SDK1: variants seen among roughly 807,000 people sequenced by gnomAD.
SDK1 encodes sidekick cell adhesion molecule 1.
In SDK1, 157 loss-of-function variants were observed where a neutral mutation model predicts 245.5. That is an observed-to-expected ratio of 0.64 (90% confidence interval 0.56 to 0.73). The LOEUF (loss-of-function observed/expected upper bound fraction) is 0.73. Among genes scored for constraint, SDK1 ranks in the 30% least tolerant of loss-of-function variants. The probability of loss-of-function intolerance (pLI) is 0.00; values close to 1 mark genes in which losing one functional copy is unlikely to be tolerated. For synonymous variants in SDK1, 1,647 were observed against 1,278.5 expected (o/e 1.29, Z -6.15); for missense variants, 3,583 against 3,002.3 (o/e 1.19, Z -4.52).
chr7:4,011,096 C>A lies in SDK1; in HGVS notation c.2262C>A (p.Tyr754Ter). 6.2e-7 allele frequency: 1 copy of A among 1,613,958 alleles called. No homozygotes were observed. Residue 754 changes from tyrosine (Y) to a stop codon, truncating the protein, a stop_gained, in exon 15 of 45, where the codon TAC becomes TAA. Coordinates refer to ENST00000404826, the MANE Select transcript of SDK1 (RefSeq NM_152744.4). LOFTEE classifies it high-confidence loss of function. The stretch of plus-strand genomic sequence containing the variant: ...TGAATGAAGTGGGCAGGGGCCAGTA[C>A]AGCGCCGAGACAAGCAGGTGCGTGA... ...CAVNEVGRGQ[Y>*]SAETSRLMLP...
intron 17 of SDK1, among the ~76,000 whole-genome samples, chr7:4,037,390 G>T (rs141233496): frequency 5.3e-4 from 80 of 152,198 alleles, no homozygotes; most frequent in African/African-American, 1.9e-3. Flanking sequence ...AGGATGAGGT[G>T]GGGGGATCAG....
At chr7:4,073,352 C>T (rs534743460) in intron 20 of SDK1, among the ~76,000 whole-genome samples, 420 of 152,214 alleles carry the variant, frequency 2.8e-3, no homozygotes, top group Non-Finnish European at 5.3e-3. Flanking sequence ...TTTCTGCTGG[C>T]GTTTCTCTGC....
At chr7:3,803,821 G>T (rs188868071) in intron 4 of SDK1, among the ~76,000 whole-genome samples, 70 of 147,412 alleles carry the variant, frequency 4.7e-4, no homozygotes, top group African/African-American at 1.7e-3. Context: ...CTGGAATGCA[G>T]TGGCATGATC....
At chr7:4,147,724 G>T (rs1780072259) in intron 29 of SDK1, among the ~76,000 whole-genome samples, 2 of 152,312 alleles carry the variant, frequency 1.3e-5, no homozygotes, top group African/African-American at 4.8e-5. Flanking sequence ...TGTGAAAGGA[G>T]CGCCCCTATC....
At chr7:3,751,788 G>T (rs1297143405) in intron 4 of SDK1, among the ~76,000 whole-genome samples, 5 of 152,146 alleles carry the variant, frequency 3.3e-5, no homozygotes, top group Non-Finnish European at 7.4e-5. Context: ...ACACCCTTGG[G>T]CTCCAGATAG....
chr7:3,323,849 C>T (rs1286562225), intron 1 of SDK1, among the ~76,000 whole-genome samples: 2 of 152,152 alleles, frequency 1.3e-5, no homozygotes, highest in Non-Finnish European at 2.9e-5. Flanking sequence ...CTGCCTAGCA[C>T]AGTGTTTATA....
At chr7:3,918,036 TG>T (rs1779445823) in intron 5 of SDK1, among the ~76,000 whole-genome samples, 1 of 152,226 alleles carries the variant, frequency 6.6e-6, no homozygotes, top group Non-Finnish European at 1.5e-5. Flanking sequence ...TTCACAGTTT[TG>T]TTGGAGTCCC....
chr7:4,262,558 A>T (rs1308860939), intron 44 of SDK1, among the ~76,000 whole-genome samples: 2 of 151,424 alleles, frequency 1.3e-5, no homozygotes, highest in African/African-American at 4.9e-5. Flanking sequence ...GCCATTCAGT[A>T]CCTGGCCGGG....
chr7:3,501,124 G>C (rs1480818783), intron 1 of SDK1, among the ~76,000 whole-genome samples: 1 of 152,156 alleles, frequency 6.6e-6, no homozygotes, highest in African/African-American at 2.4e-5. Flanking sequence ...AACATTGAAA[G>C]TCTTGAGCAT....
intron 4 of SDK1, among the ~76,000 whole-genome samples, chr7:3,655,556 C>G (rs532396015): frequency 2.2e-5 from 3 of 135,790 alleles, no homozygotes; most frequent in Non-Finnish European, 4.6e-5. Context: ...CTATGGCTGT[C>G]TTATATATCT....
chr7:3,768,389 A>T (rs1479587454), intron 4 of SDK1, among the ~76,000 whole-genome samples: 1 of 152,238 alleles, frequency 6.6e-6, no homozygotes, highest in Non-Finnish European at 1.5e-5. Context: ...GAAATGTTGC[A>T]TTATCATCTT....
intron 4 of SDK1, among the ~76,000 whole-genome samples, chr7:3,644,104 T>C (rs1030882723): frequency 1.3e-5 from 2 of 150,872 alleles, no homozygotes; most frequent in Non-Finnish European, 2.9e-5. Context: ...GGTTTTACCA[T>C]GTGTCCAGGC....
chr7:3,582,049 CCTCAGGTAGGCCTGT>C (rs542713008), intron 1 of SDK1, among the ~76,000 whole-genome samples: 50,060 of 142,212 alleles, frequency 0.35, 9,329 homozygotes, highest in South Asian at 0.52. Context: ...GGTAGGTCTC[CCTCAGGTAGGCCTGT>C]CTCAGGTAGG....
At chr7:3,774,936 G>A (rs1175117830) in intron 4 of SDK1, among the ~76,000 whole-genome samples, 1 of 152,154 alleles carries the variant, frequency 6.6e-6, no homozygotes, top group Non-Finnish European at 1.5e-5. Context: ...TTGCTTCTAT[G>A]GTGGGTCCTC....
chr7:3,538,937 TG>T (rs1778974019), intron 1 of SDK1, among the ~76,000 whole-genome samples: 1 of 152,252 alleles, frequency 6.6e-6, no homozygotes, highest in East Asian at 1.9e-4. Context: ...GAAAGTTTTT[TG>T]CTGGATTCCT....
intron 30 of SDK1, among the ~76,000 whole-genome samples, chr7:4,149,748 G>A (rs544752218): frequency 6.6e-6 from 1 of 152,124 alleles, no homozygotes; most frequent in East Asian, 1.9e-4. Flanking sequence ...CAGGGGTGAT[G>A]GGGGGCAGGC....
intron 28 of SDK1, among the ~76,000 whole-genome samples, chr7:4,139,433 A>G (rs144214546): frequency 2.7e-5 from 3 of 110,878 alleles, no homozygotes; most frequent in East Asian, 4.1e-4. Flanking sequence ...GTGTATGTAT[A>G]TATGTGTGTG....
intron 35 of SDK1, among the ~76,000 whole-genome samples, chr7:4,191,553 C>A (rs1452872002): frequency 6.6e-6 from 1 of 152,262 alleles, no homozygotes; most frequent in African/African-American, 2.4e-5. Flanking sequence ...CCCACTTGCT[C>A]AGCAACTTGC....
chr7:3,517,763 A>G (rs1245273664), intron 1 of SDK1, among the ~76,000 whole-genome samples: 1 of 152,108 alleles, frequency 6.6e-6, no homozygotes, highest in Non-Finnish European at 1.5e-5. Context: ...TCCTTTTTCC[A>G]GCACAGGTAA....
Sources: gnomAD v4.1 joint callset for allele counts (sites outside exome capture counted in the v4.1 genomes callset) on GRCh38, gnomAD v4.1.1 for gene constraint, MANE v1.5 for transcripts, NCBI Gene and HGNC (gene_info 2026-07-23, HGNC 2026-07-21) for gene names.